The following NLRP8 variants were observed in gnomAD, a reference collection of about 807,000 sequenced individuals.
NLRP8 encodes NLR family pyrin domain containing 8, also known as NACHT, LRR and PYD domains-containing protein 8.
Under a neutral mutation model 88.7 loss-of-function variants are expected in NLRP8, and 86 were observed. The observed-to-expected ratio is 0.97, with a 90% CI of 0.81 to 1.16. The LOEUF (loss-of-function observed/expected upper bound fraction) is 1.16, where lower values mean the gene tolerates loss of function less well. Among genes scored for constraint, NLRP8 ranks in the 50% most tolerant of loss-of-function variants. The pLI is 0.00. For synonymous variants in NLRP8, 504 were observed against 494.6 expected (o/e 1.02, Z -0.25); for missense variants, 1,342 against 1,286.5 (o/e 1.04, Z -0.66).
At chr19:55,953,185 T>C (rs185391414) in intron 2 of NLRP8, among the ~76,000 whole-genome samples, 4 of 152,246 alleles carry the variant, frequency 2.6e-5, no homozygotes, top group Admixed American at 6.5e-5. Flanking sequence ...GAACTGTGCA[T>C]GCGAGGGATC....
At chr19:55,971,750 G>A (rs2123214627) in intron 6 of NLRP8, among the ~76,000 whole-genome samples, 1 of 152,224 alleles carries the variant, frequency 6.6e-6, no homozygotes, top group Non-Finnish European at 1.5e-5. Context: ...TAGTAGGTTT[G>A]TTTCCAGAGT....
chr19:55,963,860 T>G (rs1360954647), intron 4 of NLRP8, among the ~76,000 whole-genome samples: 1 of 152,168 alleles, frequency 6.6e-6, no homozygotes, highest in Non-Finnish European at 1.5e-5. Context: ...CAGCCACTAT[T>G]TTTTATAATG....
Position 55,979,529 on chromosome 19 carries a change from C to T in NLRP8, c.3012C>T (p.Ala1004=). 6.2e-7 allele frequency: 1 copy of T among 1,614,184 alleles called. No individual in the cohort carries two copies. The highest frequency in any genetic ancestry group is 8.5e-7 in the Non-Finnish European group (1 of 1,180,032). The stretch of plus-strand genomic sequence containing the variant: ...ATGGTATTCTGACCTTGTGCGAGGC[C>T]TTCTCAAGCCAAAAGAAGAGAGAAG... Residue 1004 remains alanine (A), a synonymous_variant, in exon 9 of 10, where the codon GCC becomes GCT. Coordinates refer to ENST00000291971, the MANE Select transcript of NLRP8 (RefSeq NM_176811.2).
chr19:55,956,407 C>G (rs1264777206), intron 3 of NLRP8, among the ~76,000 whole-genome samples: 1 of 152,062 alleles, frequency 6.6e-6, no homozygotes, highest in South Asian at 2.1e-4. Flanking sequence ...CTGCACCCGG[C>G]TAATTTTGGC....
rs781739797 is a variant in NLRP8 at position 55,962,047 on chromosome 19, C to G, written c.2043-20C>G. The G allele has an allele frequency of 4.4e-6, 7 of 1,608,526 alleles. No individual in the cohort carries two copies. Among genetic ancestry groups the G allele is most frequent in the African/African-American group, 4.0e-5 (3 of 74,650 alleles). Reference sequence around the variant, plus strand: ...CCAGTTTAACGAAGAGGTGTTTTCTCTCTTCTCCCTTCCATGTAGAGCGCC... The same window carrying G: ...CCAGTTTAACGAAGAGGTGTTTTCTGTCTTCTCCCTTCCATGTAGAGCGCC... On this transcript the variant is annotated intron_variant, in intron 3 of 9. Coordinates refer to ENST00000291971, the MANE Select transcript of NLRP8 (RefSeq NM_176811.2).
chr19:55,963,574 G>A (rs992509674), intron 4 of NLRP8, among the ~76,000 whole-genome samples: 7 of 152,020 alleles, frequency 4.6e-5, no homozygotes, highest in African/African-American at 1.7e-4. Context: ...TTTCCAGGTG[G>A]GGTCTTGCTC....
intron 3 of NLRP8, among the ~76,000 whole-genome samples, chr19:55,959,517 G>A (rs201290697): frequency 1.1e-5 from 1 of 91,268 alleles, no homozygotes; most frequent in East Asian, 5.8e-4. Context: ...CGGCCAGGGT[G>A]TATTTTTTTA....
intron 1 of NLRP8, 86 bp from the exon 2 acceptor site, chr19:55,952,452 C>A: frequency 9.4e-7 from 1 of 1,064,592 alleles, no homozygotes; most frequent in Non-Finnish European, 1.5e-6. Context: ...CTGCTTCTGT[C>A]CTAAAAAGGC....
intron 4 of NLRP8, among the ~76,000 whole-genome samples, chr19:55,965,023 T>C (rs1296536850): frequency 6.6e-6 from 1 of 152,046 alleles, no homozygotes; most frequent in Non-Finnish European, 1.5e-5. Flanking sequence ...TGGTGGCCCA[T>C]GACTGTAGTC....
At position 55,948,257 on chromosome 19, in the gene NLRP8, A is replaced by G. The variant is rs1978940739; in HGVS notation, c.355A>G (p.Arg119Gly). 29 of 1,612,440 alleles carry G rather than the reference A, an allele frequency of 1.8e-5. No homozygotes were observed. Among genetic ancestry groups the G allele is most frequent in the Non-Finnish European group, 2.4e-5 (28 of 1,178,768 alleles). ...TGATAAAATGTGTGTTGTAGTCCGC[A>G]GAGAGATAAATGGTGAGTGTTGATC... Residue 119 changes from arginine to glycine, a missense_variant, in exon 1 of 10, where the codon AGA (arginine) becomes GGA (glycine). Transcript: ENST00000291971.
At chr19:55,983,382 T>G (rs574980718) in intron 9 of NLRP8, among the ~76,000 whole-genome samples, 1 of 145,682 alleles carries the variant, frequency 6.9e-6, no homozygotes, top group Middle Eastern at 3.6e-3. Flanking sequence ...GAGAATCACT[T>G]GAACCCAGGA....
At chr19:55,957,080 G>A (rs939071849) in intron 3 of NLRP8, among the ~76,000 whole-genome samples, 11 of 152,088 alleles carry the variant, frequency 7.2e-5, no homozygotes, top group East Asian at 1.9e-4. Context: ...GGCATGAGCC[G>A]CTGCGCCCAG....
chr19:55,984,776 G>A (rs966501570), intron 9 of NLRP8, among the ~76,000 whole-genome samples: 4 of 151,332 alleles, frequency 2.6e-5, no homozygotes, highest in African/African-American at 4.9e-5. Flanking sequence ...GTTCGAGGCT[G>A]CAGTAAGCCG....
chr19:55,963,795 T>G (rs996850112), intron 4 of NLRP8, among the ~76,000 whole-genome samples: 1 of 152,134 alleles, frequency 6.6e-6, no homozygotes, highest in East Asian at 1.9e-4. Flanking sequence ...TCTTAAGTGA[T>G]CCACCTGTCT....
At position 55,955,122 on chromosome 19, in the gene NLRP8, C is replaced by T. The variant is rs532289570; in HGVS notation, c.1064C>T (p.Pro355Leu). ...AAATGTCCCTCTCTCGTAACCCTTC[C>T]GGGGTTTAATACGATGGAAAAAATC... The change falls in exon 3 of 10, where the codon CCG becomes CTG. Residue 355 changes from proline to leucine, a missense_variant. Physicochemically the swap from Pro to Leu is moderately conservative, Grantham distance 98 (BLOSUM62 -3). Coordinates refer to ENST00000291971, the MANE Select transcript of NLRP8 (RefSeq NM_176811.2). 59 of 1,614,048 alleles carry T rather than the reference C, an allele frequency of 3.7e-5. No individual in the cohort carries two copies. The highest frequency in any genetic ancestry group is 4.2e-5 in the Non-Finnish European group (50 of 1,179,958).
intron 9 of NLRP8, among the ~76,000 whole-genome samples, chr19:55,983,320 C>T (rs532060167): frequency 4.0e-5 from 6 of 151,620 alleles, no homozygotes; most frequent in South Asian, 2.1e-4. Flanking sequence ...AAAAATTAGC[C>T]GGGCGTGGTG....
rs199991583 is a variant in NLRP8 at position 55,954,627 on chromosome 19, C to T, written c.569C>T (p.Pro190Leu). ...GTACACAGGCACGAGGAGTACTTAC[C>T]ATGTCTGCTTCTGCCCAAAAGACCC... Residue 190 changes from proline (P) to leucine (L), a missense_variant, in exon 3 of 10, where the codon CCA becomes CTA. By Grantham distance (98) the Pro-to-Leu change is moderately conservative. Coordinates refer to ENST00000291971, the MANE Select transcript of NLRP8 (RefSeq NM_176811.2). The T allele has an allele frequency of 6.2e-7, 1 of 1,614,160 alleles. No individual in the cohort carries two copies. Among genetic ancestry groups the T allele is most frequent in the Non-Finnish European group, 8.5e-7 (1 of 1,180,020 alleles).
At position 55,948,238 on chromosome 19, in the gene NLRP8, A is replaced by G. The variant is rs1350480724; in HGVS notation, c.336A>G (p.Lys112=). The change falls in exon 1 of 10, where the codon AAA becomes AAG. Residue 112 remains lysine, a synonymous_variant. Transcript: ENST00000291971. ...TCTTTGCCATTATGAACTGTGATAA[A>G]ATGTGTGTTGTAGTCCGCAGAGAGA... The G allele has an allele frequency of 1.2e-6, 2 of 1,613,946 alleles. No individual in the cohort carries two copies.
chr19:55,967,545 G>A (rs1209225166), intron 5 of NLRP8, among the ~76,000 whole-genome samples: 1 of 152,192 alleles, frequency 6.6e-6, no homozygotes. Flanking sequence ...TTTCATGGCT[G>A]AATGGTACTC....
Sources: allele counts gnomAD v4.1 joint callset (sites outside exome capture counted in the v4.1 genomes callset), GRCh38; gene constraint gnomAD v4.1.1; transcripts MANE v1.5; gene names NCBI Gene and HGNC (gene_info 2026-07-23, HGNC 2026-07-21).